The following RBFOX1 variants were observed in gnomAD, a reference collection of about 807,000 sequenced individuals.
The protein encoded by RBFOX1 is RNA binding fox-1 homolog 1, also known as RNA binding protein fox-1 homolog 1.
A neutral mutation model predicts 57.7 loss-of-function variants in RBFOX1; 8 were observed. The observed-to-expected ratio is 0.14, with a 90% CI of 0.08 to 0.25. The LOEUF (loss-of-function observed/expected upper bound fraction) is 0.25. RBFOX1 is among the 10% of genes least tolerant of loss of function. The pLI is 1.00. For missense variants in RBFOX1, 611 were observed against 548.5 expected (o/e 1.11, Z -1.14); for synonymous variants, 326 against 222.4 (o/e 1.47, Z -4.15).
At chr16:5,693,363 A>T (rs995134024) in intron 3 of RBFOX1, among the ~76,000 whole-genome samples, 2 of 36,128 alleles carry the variant, frequency 5.5e-5, no homozygotes, top group Non-Finnish European at 1.7e-4. Context: ...ATATATAGGC[A>T]GATCAAAAAA....
intron 4 of RBFOX1, among the ~76,000 whole-genome samples, chr16:7,267,541 A>T (rs2095193752): frequency 6.7e-6 from 1 of 150,010 alleles, no homozygotes; most frequent in Non-Finnish European, 1.5e-5. Context: ...ATCTCGACAA[A>T]AAATTTAAAA....
intron 1 of RBFOX1, among the ~76,000 whole-genome samples, chr16:6,286,716 A>G (rs2076941382): frequency 6.6e-6 from 1 of 152,160 alleles, no homozygotes; most frequent in Non-Finnish European, 1.5e-5. Flanking sequence ...ACATTGCTCT[A>G]AAACAGGATA....
intron 2 of RBFOX1, among the ~76,000 whole-genome samples, chr16:6,510,285 G>A (rs1013880962): frequency 1.3e-5 from 2 of 152,116 alleles, no homozygotes; most frequent in Admixed American, 6.5e-5. Flanking sequence ...CTGAAAGCCG[G>A]CTTTTCAGTC....
At chr16:5,455,547 A>T (rs8058655) in intron 1 of RBFOX1, among the ~76,000 whole-genome samples, 5,795 of 152,248 alleles carry the variant, frequency 0.038, 376 homozygotes, top group African/African-American at 0.13. Flanking sequence ...TTTCATTCTT[A>T]CCTAAGGTAA....
chr16:6,269,855 A>G (rs1482922533), intron 1 of RBFOX1, among the ~76,000 whole-genome samples: 1 of 152,220 alleles, frequency 6.6e-6, no homozygotes, highest in East Asian at 1.9e-4. Context: ...TTTCAAAATT[A>G]TGCTTTATCT....
intron 2 of RBFOX1, among the ~76,000 whole-genome samples, chr16:6,435,173 A>G (rs76886893): frequency 0.024 from 3,668 of 152,148 alleles, 166 homozygotes; most frequent in African/African-American, 0.081. Flanking sequence ...AACGCATGTT[A>G]CCACTGAAGG....
At chr16:6,723,208 G>A (rs1393104371) in intron 3 of RBFOX1, among the ~76,000 whole-genome samples, 3 of 152,140 alleles carry the variant, frequency 2.0e-5, no homozygotes, top group African/African-American at 4.8e-5. Context: ...TGGGCATTGG[G>A]GTTTACATTG....
At chr16:6,522,122 C>T (rs2096512072) in intron 2 of RBFOX1, among the ~76,000 whole-genome samples, 2 of 150,644 alleles carry the variant, frequency 1.3e-5, no homozygotes, top group Admixed American at 6.6e-5. Flanking sequence ...AAAGATTATG[C>T]AGTATCTTTT....
chr16:6,348,283 C>T (rs565450430), intron 2 of RBFOX1, among the ~76,000 whole-genome samples: 1 of 152,274 alleles, frequency 6.6e-6, no homozygotes, highest in Admixed American at 6.5e-5. Context: ...TTAGTTCCTT[C>T]TTGTCTATTT....
At chr16:6,077,593 A>G (rs556281446) in intron 1 of RBFOX1, among the ~76,000 whole-genome samples, 4 of 152,214 alleles carry the variant, frequency 2.6e-5, no homozygotes, top group East Asian at 1.9e-4. Context: ...CTTAAGTTAT[A>G]TATACTTTGC....
chr16:6,016,251 C>A (rs543076139), upstream of RBFOX1, among the ~76,000 whole-genome samples: 1 of 152,160 alleles, frequency 6.6e-6, no homozygotes, highest in African/African-American at 2.4e-5. Context: ...AACACCTTAT[C>A]TGTGCCTATG....
At chr16:6,764,360 C>G (rs1393193795) in intron 3 of RBFOX1, among the ~76,000 whole-genome samples, 2 of 152,180 alleles carry the variant, frequency 1.3e-5, no homozygotes, top group Non-Finnish European at 2.9e-5. Flanking sequence ...GAAATATTTT[C>G]AGTCCTTATG....
At chr16:6,046,373 T>C (rs561962964) in intron 1 of RBFOX1, among the ~76,000 whole-genome samples, 9 of 152,282 alleles carry the variant, frequency 5.9e-5, no homozygotes, top group Non-Finnish European at 1.3e-4. Flanking sequence ...ATGGGGAGGA[T>C]AGCTGAAGAT....
chr16:7,295,269 T>TA (rs1024271196), intron 4 of RBFOX1, among the ~76,000 whole-genome samples: 3 of 152,298 alleles, frequency 2.0e-5, no homozygotes, highest in East Asian at 1.9e-4. Context: ...CCATGTCATT[T>TA]AAAAAAACTT....
chr16:5,343,603 G>A (rs916604322), intron 1 of RBFOX1, among the ~76,000 whole-genome samples: 2 of 152,040 alleles, frequency 1.3e-5, no homozygotes, highest in Non-Finnish European at 2.9e-5. Flanking sequence ...TTACAGGCAT[G>A]AGCCACTGCG....
chr16:6,930,900 A>G (rs955678259), intron 3 of RBFOX1, among the ~76,000 whole-genome samples: 5 of 151,920 alleles, frequency 3.3e-5, no homozygotes, highest in Admixed American at 2.0e-4. Context: ...CCCCCTCACC[A>G]TAGCCGAGTC....
intron 2 of RBFOX1, among the ~76,000 whole-genome samples, chr16:5,581,921 T>C (rs2046681041): frequency 6.6e-6 from 1 of 152,178 alleles, no homozygotes; most frequent in Non-Finnish European, 1.5e-5. Context: ...CGCTGTAATG[T>C]AGATGAGTAA....
chr16:7,624,517 G>A (rs1478612630), intron 10 of RBFOX1, among the ~76,000 whole-genome samples: 3 of 152,186 alleles, frequency 2.0e-5, no homozygotes, highest in Non-Finnish European at 4.4e-5. Flanking sequence ...AGCACATGGA[G>A]TTCAACAGAT....
intron 3 of RBFOX1, among the ~76,000 whole-genome samples, chr16:5,716,340 G>T (rs552885970): frequency 6.3e-4 from 96 of 152,308 alleles, no homozygotes; most frequent in Middle Eastern, 3.4e-3. Context: ...TGTACAGATT[G>T]TTTCATCCCC....
Sources: allele counts gnomAD v4.1 joint callset (sites outside exome capture counted in the v4.1 genomes callset), GRCh38; gene constraint gnomAD v4.1.1; transcripts MANE v1.5; gene names NCBI Gene and HGNC (gene_info 2026-07-23, HGNC 2026-07-21).